The following KYNU variants were observed in gnomAD, a reference collection of about 807,000 sequenced individuals.
KYNU encodes kynureninase.
KYNU carries 54 observed loss-of-function variants against 59.2 expected under a neutral mutation model. The ratio of observed to expected loss-of-function variants is 0.91; its 90% CI spans 0.73 to 1.14. The LOEUF (loss-of-function observed/expected upper bound fraction) is 1.14, where lower values mean the gene tolerates loss of function less well. Ranked by LOEUF, KYNU falls within the 50% of genes most tolerant of loss-of-function variation. The pLI is 0.00. For missense variants in KYNU, 567 were observed against 554.4 expected, an observed-to-expected ratio of 1.02 and a Z score of -0.23; for synonymous variants, 177 against 192.0, an observed-to-expected ratio of 0.92 and a Z score of 0.65.
intron 4 of KYNU, among the ~76,000 whole-genome samples, chr2:142,943,687 G>A (rs1683677456): frequency 6.6e-6 from 1 of 152,122 alleles, no homozygotes; most frequent in African/African-American, 2.4e-5. Flanking sequence ...ATGGTGTAAT[G>A]TGAACATAAA....
chr2:143,024,344 T>C (rs1489277083), intron 10 of KYNU, among the ~76,000 whole-genome samples: 1 of 152,030 alleles, frequency 6.6e-6, no homozygotes, highest in African/African-American at 2.4e-5. Flanking sequence ...AGTCCTATAA[T>C]TAAATATATT....
At chr2:143,006,080 G>C (rs545071084) in intron 10 of KYNU, among the ~76,000 whole-genome samples, 3 of 152,226 alleles carry the variant, frequency 2.0e-5, no homozygotes, top group East Asian at 3.9e-4. Flanking sequence ...GAACAGCTCC[G>C]GTCTACAGCT....
intron 2 of KYNU, among the ~76,000 whole-genome samples, chr2:142,893,375 C>T (rs1681771990): frequency 6.6e-6 from 1 of 152,130 alleles, no homozygotes; most frequent in Non-Finnish European, 1.5e-5. Flanking sequence ...GAGGGCTTGC[C>T]ATCATCAGCT....
chr2:142,970,984 C>G (rs1408309652), intron 8 of KYNU, among the ~76,000 whole-genome samples: 1 of 152,140 alleles, frequency 6.6e-6, no homozygotes, highest in Admixed American at 6.6e-5. Context: ...ACTTGCTTCA[C>G]AGGTTACAAC....
At chr2:142,883,173 G>A (rs2104900780) in intron 1 of KYNU, among the ~76,000 whole-genome samples, 1 of 144,878 alleles carries the variant, frequency 6.9e-6, no homozygotes, top group Non-Finnish European at 1.5e-5. Flanking sequence ...TTTTCTTTCT[G>A]GCTCCCAAAT....
intron 8 of KYNU, among the ~76,000 whole-genome samples, chr2:142,979,189 T>C (rs1378078386): frequency 6.6e-6 from 1 of 152,198 alleles, no homozygotes; most frequent in Non-Finnish European, 1.5e-5. Flanking sequence ...GAACATATTC[T>C]CAACTACTAT....
chr2:142,994,743 A>G (rs1685497345), intron 10 of KYNU, among the ~76,000 whole-genome samples: 3 of 152,056 alleles, frequency 2.0e-5, no homozygotes, highest in South Asian at 4.1e-4. Flanking sequence ...CTTTACTTTC[A>G]TAATCTACAG....
rs772071356 is a variant in KYNU at position 143,042,129 on chromosome 2, A to T, written c.1355A>T (p.Asn452Ile). ...TTCCATGATGTTTATAAATTTACCA[A>T]TCTGCTCACTTCTATACTTGACTCT... ...NSFHDVYKFT[N>I]LLTSILDSAE... Residue 452 changes from asparagine to isoleucine, a missense_variant, in exon 14 of 14, where the codon AAT (asparagine) becomes ATT (isoleucine). Physicochemically the swap from Asn to Ile is moderately radical, Grantham distance 149. Transcript: ENST00000264170. The T allele has an allele frequency of 6.2e-7, 1 of 1,610,644 alleles. No homozygotes were observed. The highest frequency in any genetic ancestry group is 1.3e-5 in the African/African-American group (1 of 74,758).
chr2:142,952,081 G>A (rs1031319226), intron 4 of KYNU, among the ~76,000 whole-genome samples: 3 of 152,022 alleles, frequency 2.0e-5, no homozygotes, highest in African/African-American at 7.2e-5. Flanking sequence ...ATCGTGTTTT[G>A]TTTGTTTGTT....
rs765800604 is a variant in KYNU, at chr2:143,037,031, AAATACAT to A, written c.1042-3396_1042-3390del. Among the ~76,000 whole-genome samples the A allele has an allele frequency of 5.3e-4, 81 of 152,348 alleles. 1 individual carries two copies. Among genetic ancestry groups the A allele is most frequent in the Non-Finnish European group, 9.4e-4 (64 of 68,042 alleles). On this transcript the variant is annotated intron_variant, in intron 12 of 13. Coordinates refer to ENST00000264170, the MANE Select transcript of KYNU (RefSeq NM_003937.3). ...AGATATTAATATGGCTTTTTTTAAT[AAATACAT>A]GTGTATATGGTTGATTGATATAAAA...
chr2:142,886,180 G>A (rs1010311593), intron 2 of KYNU, among the ~76,000 whole-genome samples: 1 of 152,076 alleles, frequency 6.6e-6, no homozygotes, highest in African/African-American at 2.4e-5. Flanking sequence ...ATCATATTTA[G>A]CTTTACTCCA....
In KYNU at chr2:143,050,640, TG is replaced by T. The variant is rs1415084202; in HGVS notation, c.*8469del. ...TTTAAAACTAATTATATTTATTTCA[TG>T]TTGCTTTAACTTATTAAAAAACAGA... On this transcript the variant is annotated 3_prime_UTR_variant, in exon 14 of 14. Transcript: ENST00000264170. The T allele has an allele frequency of 6.6e-6, 1 of 152,228 alleles. No homozygotes were observed. Among genetic ancestry groups the T allele is most frequent in the Non-Finnish European group, 1.5e-5 (1 of 68,042 alleles). The allele number at this position is 152,228 out of a possible 1,614,324, so 9.4% of individuals were successfully genotyped here.
In KYNU at chr2:142,960,483, C is replaced by A. The variant is rs1684305213; in HGVS notation, c.583-141C>A. The stretch of plus-strand genomic sequence containing the variant: ...ATTATGCTCAAATGCTGCTCTTATG[C>A]CAGATTTTTAAAGAACCTTAATCTG... On this transcript the variant is annotated intron_variant, in intron 7 of 13. Coordinates refer to ENST00000264170, the MANE Select transcript of KYNU (RefSeq NM_003937.3). 17 of 608,370 alleles carry A rather than the reference C, an allele frequency of 2.8e-5. No individual in the cohort carries two copies. The South Asian group carries it at 5.0e-4, about 18-fold the overall frequency. 37.7% of individuals were successfully genotyped at this position (608,370 alleles called of 1,614,324 possible). A position where few individuals can be genotyped will look rare whatever the true frequency, so the allele number is the denominator to read the frequency against.
At position 143,053,104 on chromosome 2, in the gene KYNU, T is replaced by A. The variant is rs897673080; in HGVS notation, c.*10932T>A. 1 of 152,340 alleles carries A rather than the reference T, an allele frequency of 6.6e-6. No individual in the cohort carries two copies. Among genetic ancestry groups the A allele is most frequent in the Non-Finnish European group, 1.5e-5 (1 of 68,126 alleles). The allele number at this position is 152,340 out of a possible 1,614,324, so 9.4% of individuals were successfully genotyped here. On this transcript the variant is annotated 3_prime_UTR_variant, in exon 14 of 14. Coordinates refer to ENST00000264170, the MANE Select transcript of KYNU (RefSeq NM_003937.3). ...TTGACTGCCCCACTGGATTTCAGAC[T>A]TTCATGGGGCCTGTAGCCCCTTCGT...
chr2:142,917,465 TA>T (rs5834928), intron 2 of KYNU, among the ~76,000 whole-genome samples: 58,350 of 149,158 alleles, frequency 0.39, 11,347 homozygotes, highest in South Asian at 0.56. Context: ...AACCTTTTAT[TA>T]AAAAAAAAAA....
At chr2:143,007,460 G>A (rs1293959464) in intron 10 of KYNU, among the ~76,000 whole-genome samples, 1 of 132,406 alleles carries the variant, frequency 7.6e-6, no homozygotes, top group Non-Finnish European at 1.6e-5. Flanking sequence ...TGGGGAGAAT[G>A]GAACCAAGTT....
At chr2:143,004,541 T>C (rs1031255448) in intron 10 of KYNU, among the ~76,000 whole-genome samples, 6 of 152,030 alleles carry the variant, frequency 3.9e-5, no homozygotes, top group African/African-American at 1.4e-4. Context: ...TGAAAACCCG[T>C]CTCTACTAAA....
At chr2:143,036,765 G>A (rs1040363166) in intron 12 of KYNU, among the ~76,000 whole-genome samples, 5 of 152,160 alleles carry the variant, frequency 3.3e-5, no homozygotes, top group Non-Finnish European at 7.3e-5. Context: ...GATGACAGAC[G>A]TGAACCACTG....
chr2:142,982,405 A>G (rs1685076812), intron 8 of KYNU, among the ~76,000 whole-genome samples: 1 of 152,140 alleles, frequency 6.6e-6, no homozygotes, highest in Non-Finnish European at 1.5e-5. Flanking sequence ...AATGACTTTG[A>G]TCATCAGCAA....
Sources: gnomAD v4.1 joint callset for allele counts (sites outside exome capture counted in the v4.1 genomes callset) on GRCh38, gnomAD v4.1.1 for gene constraint, MANE v1.5 for transcripts, NCBI Gene and HGNC (gene_info 2026-07-23, HGNC 2026-07-21) for gene names.